BCAS4: variants seen among roughly 807,000 people sequenced by gnomAD.
BCAS4 encodes the protein breast carcinoma amplified sequence 4, also known as breast carcinoma-amplified sequence 4.
In BCAS4, 9 loss-of-function variants were observed where a neutral mutation model predicts 15.7. The observed-to-expected ratio is 0.57, with a 90% CI of 0.34 to 1.00. BCAS4 has a LOEUF of 1.00. Among genes scored for constraint, BCAS4 ranks in the 50% least tolerant of loss-of-function variants. The probability of loss-of-function intolerance (pLI) is 0.02; values close to 1 mark genes in which losing one functional copy is unlikely to be tolerated. For synonymous variants in BCAS4, 101 were observed against 99.5 expected (o/e 1.02, Z -0.09); for missense variants, 225 against 239.1 (o/e 0.94, Z 0.39).
chr20:50,865,688 A>G (rs1215074273), intron 4 of BCAS4, among the ~76,000 whole-genome samples: 2 of 152,090 alleles, frequency 1.3e-5, no homozygotes, highest in Non-Finnish European at 2.9e-5. Flanking sequence ...GCAGCCTCCC[A>G]TGTCCACCAG....
intron 3 of BCAS4, among the ~76,000 whole-genome samples, chr20:50,837,580 AG>A (rs1396449778): frequency 6.6e-6 from 1 of 152,232 alleles, no homozygotes; most frequent in African/African-American, 2.4e-5. Flanking sequence ...CCCAGCCCTC[AG>A]GGTGGCTAAG....
At chr20:50,807,628 G>C (rs1308906600) in intron 1 of BCAS4, among the ~76,000 whole-genome samples, 1 of 152,136 alleles carries the variant, frequency 6.6e-6, no homozygotes, top group Non-Finnish European at 1.5e-5. Flanking sequence ...AGAGTACATG[G>C]CACCCAATGT....
At chr20:50,824,855 G>A (rs2088260338) in intron 2 of BCAS4, among the ~76,000 whole-genome samples, 3 of 152,308 alleles carry the variant, frequency 2.0e-5, no homozygotes, top group South Asian at 4.1e-4. Flanking sequence ...CAGAGATCTG[G>A]GTTTCTAAGG....
intron 2 of BCAS4, 114 bp from the exon 3 acceptor site, chr20:50,830,165 A>G: frequency 1.2e-6 from 1 of 817,588 alleles, no homozygotes; most frequent in South Asian, 1.6e-5. Flanking sequence ...GCAGGATGCC[A>G]CCTGGCACCT....
chr20:50,864,642 C>T (rs1439110337), intron 4 of BCAS4, among the ~76,000 whole-genome samples: 1 of 151,490 alleles, frequency 6.6e-6, no homozygotes, highest in Non-Finnish European at 1.5e-5. Context: ...AGGGTTTCGC[C>T]ATGTTGGCCA....
chr20:50,842,541 C>G (rs1388444862), intron 4 of BCAS4, among the ~76,000 whole-genome samples: 1 of 152,184 alleles, frequency 6.6e-6, no homozygotes, highest in Non-Finnish European at 1.5e-5. Flanking sequence ...CCTCAGCCTC[C>G]CAGGTAGCTG....
intron 3 of BCAS4, among the ~76,000 whole-genome samples, chr20:50,839,235 C>T (rs1458692097): frequency 6.6e-6 from 1 of 152,218 alleles, no homozygotes; most frequent in Admixed American, 6.5e-5. Flanking sequence ...CTGCCTTTAG[C>T]CATGTACACA....
rs550446767 is a variant in BCAS4, at chr20:50,849,904, A to T, written c.399+8004A>T. Among the ~76,000 whole-genome samples, 13 of 152,288 alleles carry T rather than the reference A, an allele frequency of 8.5e-5. No homozygotes were observed. The South Asian group carries it at 2.5e-3, about 29-fold the overall frequency. On this transcript the variant is annotated intron_variant, in intron 4 of 4. Coordinates refer to ENST00000371608, the MANE Select transcript of BCAS4 (RefSeq NM_198799.4). ...CACTTTGGAAGGCCAAGGCAGGAGGATCACTTGAGCCCAGGAGTTCGAGAC... is the reference window on the plus strand; with the variant it reads ...CACTTTGGAAGGCCAAGGCAGGAGGTTCACTTGAGCCCAGGAGTTCGAGAC...
At chr20:50,872,601 A>G (rs577063875) in intron 4 of BCAS4, among the ~76,000 whole-genome samples, 1 of 152,046 alleles carries the variant, frequency 6.6e-6, no homozygotes. Flanking sequence ...AAAAGAAAAA[A>G]ATCAAGATGC....
At chr20:50,797,909 C>T (rs1600840645) in intron 1 of BCAS4, among the ~76,000 whole-genome samples, 1 of 151,890 alleles carries the variant, frequency 6.6e-6, no homozygotes, top group East Asian at 2.0e-4. Context: ...AGGTGATCTG[C>T]CCGCCTCGGC....
intron 4 of BCAS4, among the ~76,000 whole-genome samples, chr20:50,854,183 C>G (rs1431824114): frequency 6.6e-6 from 1 of 152,108 alleles, no homozygotes; most frequent in African/African-American, 2.4e-5. Context: ...TGGAGCCAAA[C>G]AGTCCCGGGT....
At chr20:50,850,425 G>A (rs1417835814) in intron 4 of BCAS4, among the ~76,000 whole-genome samples, 1 of 152,144 alleles carries the variant, frequency 6.6e-6, no homozygotes, top group East Asian at 1.9e-4. Flanking sequence ...CCAAGGGCAG[G>A]GACTGAAACT....
At chr20:50,823,517 T>C (rs1352722553) in intron 2 of BCAS4, among the ~76,000 whole-genome samples, 1 of 151,978 alleles carries the variant, frequency 6.6e-6, no homozygotes, top group Non-Finnish European at 1.5e-5. Flanking sequence ...CTCACACATA[T>C]GATATTGAAC....
intron 1 of BCAS4, among the ~76,000 whole-genome samples, chr20:50,795,551 C>CA (rs1300273620): frequency 3.2e-5 from 4 of 125,962 alleles, no homozygotes; most frequent in Non-Finnish European, 6.8e-5. Flanking sequence ...TGCGGCTGTG[C>CA]GGGCCGCGCT....
chr20:50,867,066 G>A (rs571708080), intron 4 of BCAS4, among the ~76,000 whole-genome samples: 2 of 152,268 alleles, frequency 1.3e-5, no homozygotes, highest in South Asian at 2.1e-4. Flanking sequence ...GAATTAGAGC[G>A]AAGTTGCTAT....
intron 1 of BCAS4, among the ~76,000 whole-genome samples, chr20:50,813,721 G>C (rs1438191035): frequency 7.2e-6 from 1 of 138,914 alleles, no homozygotes; most frequent in African/African-American, 2.8e-5. Flanking sequence ...TTGGTGAGCA[G>C]GGCCAGCCCC....
chr20:50,821,029 C>T (rs1232488936), intron 2 of BCAS4, among the ~76,000 whole-genome samples: 2 of 152,192 alleles, frequency 1.3e-5, no homozygotes, highest in Non-Finnish European at 2.9e-5. Flanking sequence ...TTGCAAGCAT[C>T]GGCCGCCATG....
At chr20:50,818,619 A>G (rs1600857883) in intron 2 of BCAS4, among the ~76,000 whole-genome samples, 1 of 152,222 alleles carries the variant, frequency 6.6e-6, no homozygotes, top group Middle Eastern at 3.4e-3. Context: ...GCTAGACTAT[A>G]TTTAACTTTC....
At chr20:50,796,478 T>C (rs993700564) in intron 1 of BCAS4, among the ~76,000 whole-genome samples, 2 of 14,638 alleles carry the variant, frequency 1.4e-4, no homozygotes, top group African/African-American at 5.8e-4. Context: ...TATATATATA[T>C]ATATATATAT....
Sources: allele counts gnomAD v4.1 joint callset (sites outside exome capture counted in the v4.1 genomes callset), GRCh38; gene constraint gnomAD v4.1.1; transcripts MANE v1.5; gene names NCBI Gene and HGNC (gene_info 2026-07-23, HGNC 2026-07-21).